The following YAP1 variants were observed in gnomAD, a reference collection of about 807,000 sequenced individuals.
YAP1 encodes the protein transcriptional coactivator YAP1.
In YAP1, 5 loss-of-function variants were observed where a neutral mutation model predicts 56.9. The ratio of observed to expected loss-of-function variants is 0.09; its 90% CI spans 0.05 to 0.18. The LOEUF (loss-of-function observed/expected upper bound fraction) is 0.18, where lower values mean the gene tolerates loss of function less well. Ranked by LOEUF, YAP1 falls within the 10% of genes least tolerant of loss-of-function variation. The probability of loss-of-function intolerance (pLI) is 1.00; values close to 1 mark genes in which losing one functional copy is unlikely to be tolerated. For synonymous variants in YAP1, 265 were observed against 248.1 expected (o/e 1.07, Z -0.64); for missense variants, 539 against 651.8 (o/e 0.83, Z 1.88).
chr11:102,116,754 A>C (rs1943312049), intron 2 of YAP1, among the ~76,000 whole-genome samples: 1 of 150,738 alleles, frequency 6.6e-6, no homozygotes, highest in African/African-American at 2.4e-5. Context: ...GATTAGTCTT[A>C]CTATATAAGA....
Position 102,208,652 on chromosome 11 carries a change from A to C in YAP1, c.985-865A>C, listed in dbSNP as rs75472842. On this transcript the variant is annotated intron_variant, in intron 5 of 8. Coordinates refer to ENST00000282441, the MANE Select transcript of YAP1 (RefSeq NM_001130145.3). ...TAGAAAAAAAAAGAGCAGTTTTAAAATATGTTTTATGTAACCTATTTTCAT... is the reference window on the plus strand; with the variant it reads ...TAGAAAAAAAAAGAGCAGTTTTAAACTATGTTTTATGTAACCTATTTTCAT... Among the ~76,000 whole-genome samples, 1,235 of 152,290 alleles carry C rather than the reference A, an allele frequency of 8.1e-3. 45 individuals are homozygous for C. Among genetic ancestry groups the C allele is most frequent in the East Asian group, 0.074 (382 of 5,182 alleles).
chr11:102,122,557 G>T (rs1451026091), intron 2 of YAP1, among the ~76,000 whole-genome samples: 1 of 152,122 alleles, frequency 6.6e-6, no homozygotes, highest in African/African-American at 2.4e-5. Context: ...GAAGTAACCT[G>T]TGCATTGATT....
chr11:102,182,307 C>G (rs1947673635), intron 3 of YAP1, among the ~76,000 whole-genome samples: 1 of 152,174 alleles, frequency 6.6e-6, no homozygotes, highest in Non-Finnish European at 1.5e-5. Flanking sequence ...ATAAAGGCAT[C>G]CTAAATTGAT....
chr11:102,188,963 A>G (rs1002542541), intron 4 of YAP1, among the ~76,000 whole-genome samples: 23 of 152,122 alleles, frequency 1.5e-4, no homozygotes, highest in African/African-American at 5.3e-4. Context: ...TAATATTTTA[A>G]TTTTAGAGAA....
intron 4 of YAP1, among the ~76,000 whole-genome samples, chr11:102,204,084 G>T (rs1236979020): frequency 6.6e-6 from 1 of 152,026 alleles, no homozygotes; most frequent in African/African-American, 2.4e-5. Flanking sequence ...TCTCGGTGCT[G>T]TGCTAGCCTG....
intron 6 of YAP1, among the ~76,000 whole-genome samples, chr11:102,212,095 G>GA (rs540603271): frequency 7.6e-4 from 116 of 152,328 alleles, no homozygotes; most frequent in African/African-American, 2.7e-3. Flanking sequence ...CCAAAGAACA[G>GA]AGGGTATAAA....
At chr11:102,185,987 C>A in intron 3 of YAP1, 31 bp from the exon 4 acceptor site, 3 of 1,526,950 alleles carry the variant, frequency 2.0e-6, no homozygotes, top group South Asian at 1.3e-5. Flanking sequence ...AAATAAAAAC[C>A]ATGATTTTTT....
At chr11:102,163,733 G>C (rs575312753) in intron 3 of YAP1, among the ~76,000 whole-genome samples, 169 of 152,286 alleles carry the variant, frequency 1.1e-3, no homozygotes, top group Non-Finnish European at 1.8e-3. Context: ...GGGAAGGGTG[G>C]TACCATTAGT....
chr11:102,230,031 C>A lies in YAP1; in HGVS notation c.*91C>A. 4.6e-6 allele frequency: 5 copies of A among 1,089,660 alleles called. No individual in the cohort carries two copies. Among genetic ancestry groups the A allele is most frequent in the Non-Finnish European group, 5.4e-6 (4 of 736,838 alleles). The allele number at this position is 1,089,660 out of a possible 1,614,324, so 67.5% of individuals were successfully genotyped here. On this transcript the variant is annotated 3_prime_UTR_variant, in exon 9 of 9. Coordinates refer to ENST00000282441, the MANE Select transcript of YAP1 (RefSeq NM_001130145.3). ...CCATAAGCCAGTTGCAGTTTTCAGGCTAATACAGAAAAAGATGAACAAACG... is the reference window on the plus strand; with the variant it reads ...CCATAAGCCAGTTGCAGTTTTCAGGATAATACAGAAAAAGATGAACAAACG...
At chr11:102,135,069 A>G (rs1393209771) in intron 2 of YAP1, among the ~76,000 whole-genome samples, 4 of 152,240 alleles carry the variant, frequency 2.6e-5, no homozygotes, top group East Asian at 1.9e-4. Flanking sequence ...GGATTTCACT[A>G]TGTTGGCCAG....
chr11:102,162,723 A>G (rs1371604313), intron 3 of YAP1, 152 bp downstream of exon 3: 14 of 742,576 alleles, frequency 1.9e-5, no homozygotes, highest in Middle Eastern at 2.5e-4. Context: ...AGTCTATTTT[A>G]AAATAACGTA....
Position 102,163,543 on chromosome 11 carries a change from C to T in YAP1, c.688+972C>T, listed in dbSNP as rs1251714401. ...CCACTCCCCTGGCCCCCACGCTTTA[C>T]CCCGCTGCTCAGTGCCCAGGTTCAG... On this transcript the variant is annotated intron_variant, in intron 3 of 8. Coordinates refer to ENST00000282441, the MANE Select transcript of YAP1 (RefSeq NM_001130145.3). Among the ~76,000 whole-genome samples, 7 of 152,176 alleles carry T rather than the reference C, an allele frequency of 4.6e-5. No homozygotes were observed. The East Asian group carries it at 1.2e-3, about 25-fold the overall frequency.
intron 5 of YAP1, among the ~76,000 whole-genome samples, chr11:102,207,966 C>T (rs537538936): frequency 3.7e-4 from 56 of 152,286 alleles, no homozygotes; most frequent in African/African-American, 1.3e-3. Context: ...CCTTGAAGTT[C>T]CTTTATCTGC....
rs549587931 is a variant in YAP1, at chr11:102,121,160, A to C, written c.572+6766A>C. On this transcript the variant is annotated intron_variant, in intron 2 of 8. Transcript: ENST00000282441. ...AGAATTCCAGAAATAATTCATGGCC[A>C]GCCGTCGTAGCTCACGTCTGTAATC... 2.0e-5 allele frequency among the ~76,000 whole-genome samples: 3 copies of C among 152,338 alleles called. No individual in the cohort carries two copies. The East Asian group carries it at 5.8e-4, about 29-fold the overall frequency.
At chr11:102,179,419 G>T (rs1947454069) in intron 3 of YAP1, among the ~76,000 whole-genome samples, 2 of 152,102 alleles carry the variant, frequency 1.3e-5, no homozygotes, top group Non-Finnish European at 2.9e-5. Flanking sequence ...TTTAATAATG[G>T]TAATCCCCTT....
intron 5 of YAP1, among the ~76,000 whole-genome samples, chr11:102,207,430 G>A (rs1052328107): frequency 6.6e-5 from 10 of 151,950 alleles, no homozygotes; most frequent in Admixed American, 4.6e-4. Flanking sequence ...GGTGGCTCAT[G>A]CCTCTAATCC....
At chr11:102,191,965 G>A (rs937872122) in intron 4 of YAP1, among the ~76,000 whole-genome samples, 3 of 152,094 alleles carry the variant, frequency 2.0e-5, no homozygotes, top group African/African-American at 4.8e-5. Context: ...TGAGCCATAG[G>A]GCCTGGCCAA....
chr11:102,114,445 G>A, intron 2 of YAP1, 51 bp downstream of exon 2: 3 of 1,583,148 alleles, frequency 1.9e-6, no homozygotes, highest in Non-Finnish European at 2.6e-6. Context: ...ATATGTATTG[G>A]AAAACACAGT....
intron 2 of YAP1, among the ~76,000 whole-genome samples, chr11:102,129,859 G>A (rs1359535217): frequency 6.9e-6 from 1 of 145,756 alleles, no homozygotes; most frequent in African/African-American, 2.6e-5. Context: ...GAGTGATGCA[G>A]TGGCACTATC....
Sources: allele counts gnomAD v4.1 joint callset (sites outside exome capture counted in the v4.1 genomes callset), GRCh38; gene constraint gnomAD v4.1.1; transcripts MANE v1.5; gene names NCBI Gene and HGNC (gene_info 2026-07-23, HGNC 2026-07-21).